IPO7: variants seen among roughly 807,000 people sequenced by gnomAD.
The protein encoded by IPO7 is importin 7.
Under a neutral mutation model 136.4 loss-of-function variants are expected in IPO7, and 13 were observed. That is an observed-to-expected ratio of 0.10 (90% confidence interval 0.06 to 0.15). The LOEUF (loss-of-function observed/expected upper bound fraction) is 0.15, where lower values mean the gene tolerates loss of function less well. IPO7 is among the 10% of genes least tolerant of loss of function. The pLI is 1.00. For missense variants in IPO7, 857 were observed against 1,240.6 expected (o/e 0.69, Z 4.65); for synonymous variants, 403 against 404.4 (o/e 1.00, Z 0.04).
At chr11:9,398,601 A>G (rs1230203580) in intron 1 of IPO7, among the ~76,000 whole-genome samples, 3 of 152,236 alleles carry the variant, frequency 2.0e-5, no homozygotes, top group Non-Finnish European at 2.9e-5. Flanking sequence ...TTATTTTTTA[A>G]TTGATACATG....
intron 1 of IPO7, among the ~76,000 whole-genome samples, chr11:9,402,342 G>T (rs187098024): frequency 1.4e-5 from 2 of 139,764 alleles, no homozygotes; most frequent in African/African-American, 2.6e-5. Flanking sequence ...AGAGGTTGCA[G>T]TGAGCCGAGA....
At chr11:9,444,600 G>T (rs1855502810) in intron 24 of IPO7, among the ~76,000 whole-genome samples, 1 of 151,706 alleles carries the variant, frequency 6.6e-6, no homozygotes. Context: ...CCTGACTCCT[G>T]AGGCGGATGG....
Position 9,440,612 on chromosome 11 carries a change from T to C in IPO7, c.2853T>C (p.Asp951=), listed in dbSNP as rs1025291505. 6 of 1,613,820 alleles carry C rather than the reference T, an allele frequency of 3.7e-6. No individual in the cohort carries two copies. The highest frequency in any genetic ancestry group is 4.5e-5 in the East Asian group (2 of 44,864). ...ALEGYSTIID[D]EDNPVDEYQI... Reference sequence around the variant, plus strand: ...AAGGCTATTCCACAATCATTGATGATGAAGATAACCCTGTTGATGAGTATC... The same window carrying C: ...AAGGCTATTCCACAATCATTGATGACGAAGATAACCCTGTTGATGAGTATC... The change falls in exon 23 of 25, where the codon GAT becomes GAC. Residue 951 remains aspartate, a synonymous_variant. Coordinates refer to ENST00000379719, the MANE Select transcript of IPO7 (RefSeq NM_006391.3).
intron 2 of IPO7, among the ~76,000 whole-genome samples, chr11:9,408,213 G>C (rs1381994950): frequency 1.3e-5 from 2 of 151,994 alleles, no homozygotes; most frequent in Non-Finnish European, 1.5e-5. Context: ...TAAAAGTGTT[G>C]TGACGTTAAA....
chr11:9,433,344 G>T, intron 16 of IPO7: 2 of 495,948 alleles, frequency 4.0e-6, no homozygotes, highest in Non-Finnish European at 7.1e-6. Flanking sequence ...TTCCTTTTTA[G>T]GTAAATTAAG....
intron 1 of IPO7, among the ~76,000 whole-genome samples, chr11:9,397,174 G>T (rs2133724074): frequency 6.7e-6 from 1 of 150,086 alleles, no homozygotes; most frequent in African/African-American, 2.4e-5. Flanking sequence ...GGCTGGAGTG[G>T]AGTGGTGTGA....
chr11:9,415,120 C>G (rs1409550608), intron 5 of IPO7, among the ~76,000 whole-genome samples: 1 of 151,350 alleles, frequency 6.6e-6, no homozygotes, highest in Non-Finnish European at 1.5e-5. Context: ...GAGTTCGAGA[C>G]CAGCCTGACC....
At chr11:9,405,201 G>A (rs1854863961) in intron 2 of IPO7, among the ~76,000 whole-genome samples, 1 of 152,012 alleles carries the variant, frequency 6.6e-6, no homozygotes, top group Non-Finnish European at 1.5e-5. Flanking sequence ...TTGAGACGGA[G>A]TCTTGCTCTG....
At chr11:9,406,683 C>G (rs1854892788) in intron 2 of IPO7, among the ~76,000 whole-genome samples, 1 of 152,066 alleles carries the variant, frequency 6.6e-6, no homozygotes, top group Non-Finnish European at 1.5e-5. Context: ...CCAGCCTGGT[C>G]AACATGGTGA....
At chr11:9,433,522 T>A (rs1406582584) in intron 16 of IPO7, 48 bp from the exon 17 acceptor site, 22 of 1,302,588 alleles carry the variant, frequency 1.7e-5, no homozygotes, top group Non-Finnish European at 2.4e-5. Context: ...TCTTACTAAG[T>A]CATTTAGTAG....
intron 21 of IPO7, 39 bp from the exon 22 acceptor site, chr11:9,438,041 A>G: frequency 6.9e-7 from 1 of 1,441,866 alleles, no homozygotes; most frequent in Non-Finnish European, 9.4e-7. Context: ...AAGAAAAGAA[A>G]ACAGTTTTTT....
chr11:9,435,392 C>T (rs1655824342), intron 19 of IPO7, among the ~76,000 whole-genome samples: 1 of 152,164 alleles, frequency 6.6e-6, no homozygotes, highest in Admixed American at 6.5e-5. Context: ...TATAGGTTTA[C>T]AACAAGCAAT....
intron 19 of IPO7, among the ~76,000 whole-genome samples, chr11:9,435,440 CAAAT>C (rs1239044041): frequency 3.9e-5 from 6 of 152,120 alleles, no homozygotes; most frequent in Non-Finnish European, 4.4e-5. Flanking sequence ...GTTGGGGAAA[CAAAT>C]AAACTGGAGT....
intron 12 of IPO7, 189 bp downstream of exon 12, chr11:9,425,451 A>G (rs1855189955): frequency 5.6e-6 from 3 of 539,802 alleles, no homozygotes; most frequent in Non-Finnish European, 9.9e-6. Context: ...CTATAAGGAT[A>G]AAAAATAGGC....
intron 5 of IPO7, chr11:9,414,646 T>TTTTA (rs869277796): frequency 3.8e-6 from 1 of 260,826 alleles, no homozygotes; most frequent in African/African-American, 2.4e-5. Context: ...TTTTTTTTTT[T>TTTTA]GAGACTGTCT....
chr11:9,410,116 T>C (rs1195424309), intron 4 of IPO7, 30 bp downstream of exon 4: 40 of 1,423,470 alleles, frequency 2.8e-5, no homozygotes, highest in Non-Finnish European at 3.5e-5. Context: ...CCTATAGAGC[T>C]TTGAGAAGTA....
At chr11:9,421,682 C>T (rs1023961966) in intron 8 of IPO7, among the ~76,000 whole-genome samples, 14 of 132,228 alleles carry the variant, frequency 1.1e-4, no homozygotes, top group South Asian at 2.5e-4. Context: ...CAGTTGCTCA[C>T]GCCTGTAATC....
chr11:9,430,849 CTT>C (rs1161115107), intron 15 of IPO7, 24 bp from the exon 16 acceptor site: 7 of 1,604,724 alleles, frequency 4.4e-6, no homozygotes, highest in Non-Finnish European at 3.4e-6. Flanking sequence ...CAGTGACAAA[CTT>C]GAGTTATATT....
intron 6 of IPO7, 147 bp from the exon 7 acceptor site, chr11:9,420,264 C>G: frequency 1.8e-6 from 1 of 569,138 alleles, no homozygotes; most frequent in South Asian, 2.4e-5. Context: ...TTGCAGTGAG[C>G]TGAGATGGCA....
Sources: gnomAD v4.1 joint callset for allele counts (sites outside exome capture counted in the v4.1 genomes callset) on GRCh38, gnomAD v4.1.1 for gene constraint, MANE v1.5 for transcripts, NCBI Gene and HGNC (gene_info 2026-07-23, HGNC 2026-07-21) for gene names.